The following PRICKLE1 variants were observed in gnomAD, a reference collection of about 807,000 sequenced individuals.
The protein encoded by PRICKLE1 is prickle-like protein 1.
PRICKLE1 carries 14 observed loss-of-function variants against 70.2 expected under a neutral mutation model. The observed-to-expected ratio is 0.20, with a 90% CI of 0.13 to 0.31. The LOEUF is 0.31. Among genes scored for constraint, PRICKLE1 ranks in the 10% least tolerant of loss-of-function variants. The pLI is 1.00. For synonymous variants in PRICKLE1, 357 were observed against 379.9 expected (o/e 0.94, Z 0.70); for missense variants, 821 against 1,026.2 (o/e 0.80, Z 2.73).
At chr12:42,562,703 T>TG (rs1186688127) in intron 1 of PRICKLE1, among the ~76,000 whole-genome samples, 2 of 152,078 alleles carry the variant, frequency 1.3e-5, no homozygotes, top group Non-Finnish European at 2.9e-5. Context: ...AACTATGTAT[T>TG]GTGAGGAAGA....
intron 1 of PRICKLE1, among the ~76,000 whole-genome samples, chr12:42,484,860 T>G (rs1455595004): frequency 1.3e-5 from 2 of 152,186 alleles, no homozygotes; most frequent in Non-Finnish European, 2.9e-5. Flanking sequence ...AGAGGTCTAA[T>G]CTCTTCTGAA....
At chr12:42,478,468 G>A (rs1204056787) in intron 1 of PRICKLE1, among the ~76,000 whole-genome samples, 1 of 152,216 alleles carries the variant, frequency 6.6e-6, no homozygotes, top group Admixed American at 6.5e-5. Flanking sequence ...TTAAGGAGGT[G>A]TGTGGAGGGC....
At chr12:42,571,114 C>G (rs1007285878) in intron 1 of PRICKLE1, among the ~76,000 whole-genome samples, 1 of 152,098 alleles carries the variant, frequency 6.6e-6, no homozygotes, top group Non-Finnish European at 1.5e-5. Flanking sequence ...CAAATCCCCT[C>G]AAATTGCCTG....
At chr12:42,539,506 C>G (rs1329365483) in intron 1 of PRICKLE1, among the ~76,000 whole-genome samples, 2 of 151,638 alleles carry the variant, frequency 1.3e-5, no homozygotes, top group African/African-American at 4.8e-5. Flanking sequence ...GAAACTTTAT[C>G]TGTGTTCTTA....
intron 1 of PRICKLE1, among the ~76,000 whole-genome samples, chr12:42,540,622 G>A (rs1177789383): frequency 6.6e-6 from 1 of 152,108 alleles, no homozygotes; most frequent in African/African-American, 2.4e-5. Flanking sequence ...GAGTACAATA[G>A]TGTGACCTTG....
chr12:42,491,411 G>T (rs928469022), intron 1 of PRICKLE1, among the ~76,000 whole-genome samples: 5 of 151,632 alleles, frequency 3.3e-5, no homozygotes, highest in Admixed American at 2.0e-4. Context: ...AAACTAGCCA[G>T]GCATGGTGGT....
intron 1 of PRICKLE1, among the ~76,000 whole-genome samples, chr12:42,501,580 T>C (rs1323100928): frequency 6.7e-6 from 1 of 150,024 alleles, no homozygotes; most frequent in Non-Finnish European, 1.5e-5. Flanking sequence ...TTTATGATCA[T>C]CTTCTTGCCT....
chr12:42,556,393 T>C (rs1458313062), intron 1 of PRICKLE1, among the ~76,000 whole-genome samples: 1 of 152,162 alleles, frequency 6.6e-6, no homozygotes, highest in African/African-American at 2.4e-5. Flanking sequence ...CAATAATATC[T>C]ATACATGGCC....
chr12:42,532,688 G>A (rs1024574433), intron 1 of PRICKLE1, among the ~76,000 whole-genome samples: 1 of 152,078 alleles, frequency 6.6e-6, no homozygotes, highest in African/African-American at 2.4e-5. Flanking sequence ...ACGAGGTCAG[G>A]AGATCGAGAC....
At chr12:42,484,845 T>A (rs1431102430) in intron 1 of PRICKLE1, among the ~76,000 whole-genome samples, 1 of 152,176 alleles carries the variant, frequency 6.6e-6, no homozygotes, top group Non-Finnish European at 1.5e-5. Context: ...TTAGTACTCA[T>A]CAGTAGAGGT....
In PRICKLE1 at chr12:42,468,704, A is replaced by G. The variant is rs1216299354; in HGVS notation, c.510T>C (p.Tyr170=). ...TCNELLVDLI[Y]FYQDGKIHCG... ...AGTGAATTTTTCCATCCTGATAAAAATAGATGAGGTCGACCAGCAGCTCAT... is the reference window on the plus strand; with the variant it reads ...AGTGAATTTTTCCATCCTGATAAAAGTAGATGAGGTCGACCAGCAGCTCAT... The change falls in exon 5 of 8, where the codon TAT becomes TAC. Residue 170 remains tyrosine (Y), a synonymous_variant. Coordinates refer to ENST00000345127, the MANE Select transcript of PRICKLE1 (RefSeq NM_153026.3). The G allele has an allele frequency of 2.5e-6, 4 of 1,614,188 alleles. No individual in the cohort carries two copies. The South Asian group carries it at 4.4e-5, about 18-fold the overall frequency.
intron 1 of PRICKLE1, among the ~76,000 whole-genome samples, chr12:42,539,572 A>T (rs1940074181): frequency 6.6e-6 from 1 of 152,148 alleles, no homozygotes; most frequent in Non-Finnish European, 1.5e-5. Context: ...TTTGAATAAG[A>T]CAGCTGCTGT....
chr12:42,578,474 T>A (rs146314493), intron 1 of PRICKLE1, among the ~76,000 whole-genome samples: 4 of 152,154 alleles, frequency 2.6e-5, no homozygotes, highest in African/African-American at 4.8e-5. Context: ...CTTCTATTAA[T>A]ATAGCATCCC....
At chr12:42,499,923 T>A (rs1326762805) in intron 1 of PRICKLE1, among the ~76,000 whole-genome samples, 5 of 147,350 alleles carry the variant, frequency 3.4e-5, no homozygotes, top group South Asian at 4.4e-4. Context: ...CTTATTTTTA[T>A]TTTTTTTAGT....
chr12:42,581,693 GC>G (rs1434425012), intron 1 of PRICKLE1, among the ~76,000 whole-genome samples: 1 of 150,960 alleles, frequency 6.6e-6, no homozygotes, highest in Non-Finnish European at 1.5e-5. Context: ...GTTGCAGTGA[GC>G]CAAGATCATG....
At chr12:42,481,687 TAC>T (rs1938799864) in intron 1 of PRICKLE1, among the ~76,000 whole-genome samples, 2 of 152,228 alleles carry the variant, frequency 1.3e-5, no homozygotes, top group Admixed American at 1.3e-4. Flanking sequence ...TAAATTTAAC[TAC>T]AGACTAATTT....
chr12:42,522,566 G>C (rs1362264585), intron 1 of PRICKLE1, among the ~76,000 whole-genome samples: 2 of 152,086 alleles, frequency 1.3e-5, no homozygotes, highest in African/African-American at 4.8e-5. Context: ...GTTTAACACA[G>C]AGTTTTAAAA....
intron 1 of PRICKLE1, among the ~76,000 whole-genome samples, chr12:42,575,386 T>C (rs984651436): frequency 6.6e-6 from 1 of 152,170 alleles, no homozygotes; most frequent in Non-Finnish European, 1.5e-5. Context: ...GTTAATCTTA[T>C]AGCCAAATAG....
intron 1 of PRICKLE1, among the ~76,000 whole-genome samples, chr12:42,537,507 C>T (rs963097122): frequency 6.6e-6 from 1 of 152,048 alleles, no homozygotes; most frequent in South Asian, 2.1e-4. Flanking sequence ...GAACAAAAAC[C>T]CAAACCAAAC....
Sources: allele counts gnomAD v4.1 joint callset (sites outside exome capture counted in the v4.1 genomes callset), GRCh38; gene constraint gnomAD v4.1.1; transcripts MANE v1.5; gene names NCBI Gene and HGNC (gene_info 2026-07-23, HGNC 2026-07-21).